Variants in SHBG observed in about 807,000 individuals in gnomAD.
The protein encoded by SHBG is sex hormone binding globulin.
A neutral mutation model predicts 41.9 loss-of-function variants in SHBG; 37 were observed. The observed-to-expected ratio is 0.88, with a 90% confidence interval of 0.68 to 1.16. The LOEUF (loss-of-function observed/expected upper bound fraction) is 1.16, where lower values mean the gene tolerates loss of function less well. Among genes scored for constraint, SHBG ranks in the 50% most tolerant of loss-of-function variants. The pLI, the probability that SHBG is intolerant of heterozygous loss-of-function variation, is 0.00. For missense variants in SHBG, 466 were observed against 499.9 expected (o/e 0.93, Z 0.65); for synonymous variants, 217 against 205.8 (o/e 1.05, Z -0.47).
chr17:7,615,232 C>T (rs566296294), intron 1 of SHBG, among the ~76,000 whole-genome samples: 1 of 152,300 alleles, frequency 6.6e-6, no homozygotes, highest in East Asian at 1.9e-4. Context: ...ACACCCACTC[C>T]GCCGCCGCTG....
chr17:7,616,256 A>T (rs1056479499), intron 1 of SHBG, among the ~76,000 whole-genome samples: 1 of 150,450 alleles, frequency 6.6e-6, no homozygotes, highest in African/African-American at 2.5e-5. Context: ...GGTTGCAGTG[A>T]GTGGATATCA....
chr17:7,618,293 A>G (rs1361734701), intron 1 of SHBG, among the ~76,000 whole-genome samples: 1 of 151,428 alleles, frequency 6.6e-6, no homozygotes, highest in Non-Finnish European at 1.5e-5. Flanking sequence ...TGTTGTTGAG[A>G]TAGAGTCTTA....
At position 7,630,737 on chromosome 17, in the gene SHBG, G is replaced by A; in HGVS notation, c.261G>A (p.Gly87=). ...TWDPEGVIFY[G]DTNPKDDWFM... The stretch of plus-strand genomic sequence containing the variant: ...ACCCAGAGGGAGTGATTTTTTATGG[G>A]GATACCAACCCTAAGGATGACTGGT... Residue 87 remains glycine (G), a synonymous_variant, in exon 3 of 8, where the codon GGG becomes GGA. Coordinates refer to ENST00000380450, the MANE Select transcript of SHBG (RefSeq NM_001040.5). The surrounding 1 kb of genome is among the most constrained non-coding windows in gnomAD (Gnocchi z 4.6). The A allele has an allele frequency of 6.2e-7, 1 of 1,614,036 alleles. No homozygotes were observed. Among genetic ancestry groups the A allele is most frequent in the Non-Finnish European group, 8.5e-7 (1 of 1,179,988 alleles).
upstream of SHBG, chr17:7,628,127 G>A (rs1429164709): frequency 2.2e-6 from 1 of 460,662 alleles, no homozygotes; most frequent in Non-Finnish European, 4.4e-6. Context: ...TTAGCCTCAG[G>A]CTCACTCACC....
intron 1 of SHBG, among the ~76,000 whole-genome samples, chr17:7,621,003 GGAGAA>G (rs1486037510): frequency 6.7e-6 from 1 of 150,128 alleles, no homozygotes; most frequent in East Asian, 2.0e-4. Context: ...GGCTGAGGTG[GGAGAA>G]TCACTTGAGC....
At chr17:7,615,288 G>A (rs1212671430) in intron 1 of SHBG, among the ~76,000 whole-genome samples, 3 of 151,974 alleles carry the variant, frequency 2.0e-5, no homozygotes, top group South Asian at 2.1e-4. Context: ...GCGCCTGAAC[G>A]ACTGCTTGGT....
At chr17:7,628,799 T>A (rs2072307461), upstream of SHBG, among the ~76,000 whole-genome samples, 1 of 151,540 alleles carries the variant, frequency 6.6e-6, no homozygotes. Flanking sequence ...CTCACACCTG[T>A]AATCCCAGCA....
chr17:7,627,048 A>G (rs373106858), upstream of SHBG: 3 of 1,613,442 alleles, frequency 1.9e-6, no homozygotes, highest in Non-Finnish European at 2.5e-6. The surrounding 1 kb of genome is among the most constrained non-coding windows in gnomAD (Gnocchi z 4.8). Flanking sequence ...CAGGGCCCTG[A>G]GAGAGAGAAA....
intron 7 of SHBG, 122 bp from the exon 8 acceptor site, chr17:7,633,082 T>C (rs2072472791): frequency 6.4e-6 from 9 of 1,406,948 alleles, no homozygotes; most frequent in South Asian, 1.2e-5. Context: ...GAAGAAGATA[T>C]GGGGGCAGTG....
At chr17:7,626,997 A>G (rs1308209504), upstream of SHBG, 3 of 1,613,930 alleles carry the variant, frequency 1.9e-6, no homozygotes, top group Admixed American at 5.0e-5. Context: ...CGTCCCTTCC[A>G]TGTACTGTAG....
rs142769119 is a variant in SHBG, at chr17:7,631,796, G to A, written c.715+48G>A. The A allele has an allele frequency of 5.0e-6, 8 of 1,613,114 alleles. No homozygotes were observed. In the East Asian group the frequency reaches 8.9e-5, roughly 18 times the overall value. The stretch of plus-strand genomic sequence containing the variant: ...TTTCCCACCCTGGCCAGCTCAGCCT[G>A]CCTCTGTCCCCCTCTACCACTGGCC... On this transcript the variant is annotated intron_variant, in intron 5 of 7. Transcript: ENST00000380450.
upstream of SHBG, chr17:7,627,110 A>G (rs2072236372): frequency 6.2e-7 from 1 of 1,613,574 alleles, no homozygotes; most frequent in Non-Finnish European, 8.5e-7. The surrounding 1 kb of genome is among the most constrained non-coding windows in gnomAD (Gnocchi z 4.8). Context: ...GGCCGGCTGG[A>G]GAGGTGGACT....
At chr17:7,616,335 C>T (rs1005650264) in intron 1 of SHBG, among the ~76,000 whole-genome samples, 3 of 146,860 alleles carry the variant, frequency 2.0e-5, no homozygotes, top group African/African-American at 5.1e-5. Flanking sequence ...TGGCAGGGCG[C>T]GGTGGCTCAT....
rs139379650 is a variant in SHBG at position 7,631,353 on chromosome 17, C to T, written c.547C>T (p.Arg183Trp). The T allele has an allele frequency of 1.4e-5, 23 of 1,612,790 alleles. No individual in the cohort carries two copies. Among genetic ancestry groups the T allele is most frequent in the African/African-American group, 5.3e-5 (4 of 74,890 alleles). Residue 183 changes from arginine to tryptophan, a missense_variant, in exon 4 of 8, where the codon CGG (arginine) becomes TGG (tryptophan). By Grantham distance (101) the Arg-to-Trp change is moderately radical (BLOSUM62 -3). Transcript: ENST00000380450. ...GCTGCTCTTCCCCGCTTCCAACCTT[C>T]GGTTGCCGGTAACTACACCCCAGGG... ...GGLLFPASNL[R>W]LPLVPALDGC...
chr17:7,615,587 G>T (rs2071964793), intron 1 of SHBG, among the ~76,000 whole-genome samples: 2 of 147,176 alleles, frequency 1.4e-5, no homozygotes. Flanking sequence ...GATCACCTGA[G>T]GTCCTCGGAT....
chr17:7,627,435 C>T (rs955910071), upstream of SHBG: 1 of 1,614,038 alleles, frequency 6.2e-7, no homozygotes. The surrounding 1 kb of genome is among the most constrained non-coding windows in gnomAD (Gnocchi z 4.8). Context: ...GGTACGGAAG[C>T]TAGATTAGAG....
rs577044156 is a variant in SHBG, at chr17:7,631,516, G to A, written c.556-73G>A. The A allele has an allele frequency of 8.9e-6, 14 of 1,580,428 alleles. No individual in the cohort carries two copies. In the East Asian group the frequency reaches 2.7e-4, roughly 30 times the overall value. ...ATGCTCAGAGGGGAGTCAACTGAGGGCAGGGAGGTCGGGACTGCGGCTCCG... is the reference window on the plus strand; with the variant it reads ...ATGCTCAGAGGGGAGTCAACTGAGGACAGGGAGGTCGGGACTGCGGCTCCG... On this transcript the variant is annotated intron_variant, in intron 4 of 7. Transcript: ENST00000380450.
chr17:7,615,310 C>T lies in SHBG; in HGVS notation c.-62+1199C>T, dbSNP rs555161965. Among the ~76,000 whole-genome samples the T allele has an allele frequency of 2.4e-3, 365 of 152,226 alleles. 6 individuals carry two copies. The highest frequency in any genetic ancestry group is 6.0e-4 in the Non-Finnish European group (41 of 68,002). On this transcript the variant is annotated intron_variant, in intron 1 of 5. Coordinates refer to the SHBG transcript ENST00000570547. ...AACGACTGCTTGGTCACTTTCCCCA[C>T]CTTTGTCTTTCTTGGTGCGCACGCT...
Position 7,633,331 on chromosome 17 carries a change from T to C in SHBG, c.1188T>C (p.Asn396=), listed in dbSNP as rs778383051. The C allele has an allele frequency of 2.1e-5, 34 of 1,614,018 alleles. No individual in the cohort carries two copies. The highest frequency in any genetic ancestry group is 1.6e-4 in the Middle Eastern group (1 of 6,084). ...WTHSCPQSPG[N]GTDASH ...ACAGCTGCCCCCAGAGCCCAGGCAA[T>C]GGCACTGACGCTTCCCATTAAAGCT... Residue 396 remains asparagine (N), a synonymous_variant, in exon 8 of 8, where the codon AAT becomes AAC. Transcript: ENST00000380450.
Sources: allele counts gnomAD v4.1 joint callset (sites outside exome capture counted in the v4.1 genomes callset), GRCh38; gene constraint gnomAD v4.1.1; non-coding constraint Gnocchi (gnomAD v3.1); transcripts MANE v1.5; gene names NCBI Gene and HGNC (gene_info 2026-07-23, HGNC 2026-07-21).